TENM3: variants seen among roughly 807,000 people sequenced by gnomAD.
TENM3 encodes the protein teneurin-3.
In TENM3, 63 loss-of-function variants were observed where a neutral mutation model predicts 255.1. That is an observed-to-expected ratio of 0.25 (90% CI 0.20 to 0.30). The LOEUF is 0.30. TENM3 is among the 10% of genes least tolerant of loss of function. TENM3 has a pLI of 1.00. For missense variants in TENM3, 2,929 were observed against 3,461.1 expected (o/e 0.85, Z 3.86); for synonymous variants, 1,306 against 1,322.3 (o/e 0.99, Z 0.27).
At chr4:182,707,019 C>T (rs969859367) in intron 12 of TENM3, among the ~76,000 whole-genome samples, 2 of 151,812 alleles carry the variant, frequency 1.3e-5, no homozygotes, top group African/African-American at 4.8e-5. Context: ...CAGTGATTTA[C>T]GTGGCCTAGA....
chr4:181,463,320 G>A, the TENM3 span, among the ~76,000 whole-genome samples: 1 of 152,050 alleles, frequency 6.6e-6, no homozygotes, highest in African/African-American at 2.4e-5. Flanking sequence ...TATTTACCCT[G>A]GTCATGTGTC....
At chr4:182,089,043 A>G in the TENM3 span, among the ~76,000 whole-genome samples, 9 of 152,284 alleles carry the variant, frequency 5.9e-5, no homozygotes, top group East Asian at 1.7e-3. Context: ...CAACCCTTCT[A>G]CAGTGTGGTA....
In TENM3 at chr4:182,349,985, G is replaced by A. The variant is rs73869945; in HGVS notation, c.511+3056G>A. On this transcript the variant is annotated intron_variant, in intron 3 of 27. Coordinates refer to ENST00000511685, the MANE Select transcript of TENM3 (RefSeq NM_001080477.4). Reference sequence around the variant, plus strand: ...CTGGTTTAACATGAGAGCTTGCCTTGACTGTTTTCTTCATTTGAAATAACT... The same window carrying A: ...CTGGTTTAACATGAGAGCTTGCCTTAACTGTTTTCTTCATTTGAAATAACT... 212 of 165,278 alleles carry A rather than the reference G, an allele frequency of 1.3e-3. 1 individual carries two copies. The highest frequency in any genetic ancestry group is 4.8e-3 in the African/African-American group (200 of 41,500). The allele number at this position is 165,278 out of a possible 1,614,324, so 10.2% of individuals were successfully genotyped here.
At chr4:182,758,293 G>A (rs1453417279) in intron 22 of TENM3, among the ~76,000 whole-genome samples, 2 of 152,086 alleles carry the variant, frequency 1.3e-5, no homozygotes, top group Non-Finnish European at 2.9e-5. Context: ...TCTTCTAAGG[G>A]TCAGAAACTT....
At chr4:182,138,540 CAA>C in the TENM3 span, among the ~76,000 whole-genome samples, 50 of 152,300 alleles carry the variant, frequency 3.3e-4, no homozygotes, top group East Asian at 7.5e-3. Context: ...CAGGAACAAA[CAA>C]AGATTGTTTC....
chr4:182,704,203 T>C lies in TENM3; in HGVS notation c.2222-9884T>C, dbSNP rs116561935. 5.1e-3 allele frequency among the ~76,000 whole-genome samples: 771 copies of C among 152,254 alleles called. 2 individuals are homozygous for C. Among genetic ancestry groups the C allele is most frequent in the African/African-American group, 0.017 (703 of 41,546 alleles). On this transcript the variant is annotated intron_variant, in intron 12 of 27. Coordinates refer to ENST00000511685, the MANE Select transcript of TENM3 (RefSeq NM_001080477.4). ...AAGGGAGATGTGTTACTAACACGTG[T>C]ATGTTTATGGTTCAGTGGATGAAAT...
At chr4:182,158,158 T>A (rs1206555866) in intron 1 of TENM3, among the ~76,000 whole-genome samples, 2 of 152,192 alleles carry the variant, frequency 1.3e-5, no homozygotes, top group Non-Finnish European at 2.9e-5. Context: ...ACGTCGCGCC[T>A]CTAGACTAGT....
the TENM3 span, among the ~76,000 whole-genome samples, chr4:181,541,903 G>A: frequency 6.6e-6 from 1 of 152,180 alleles, no homozygotes; most frequent in East Asian, 1.9e-4. Flanking sequence ...CTCAATTTCA[G>A]ATGGACCATT....
At chr4:182,045,529 G>A in the TENM3 span, among the ~76,000 whole-genome samples, 1 of 152,022 alleles carries the variant, frequency 6.6e-6, no homozygotes, top group Non-Finnish European at 1.5e-5. Flanking sequence ...GTTTTTTTAA[G>A]GGTGAATTGA....
chr4:181,765,028 T>G, the TENM3 span, among the ~76,000 whole-genome samples: 1 of 152,272 alleles, frequency 6.6e-6, no homozygotes, highest in Non-Finnish European at 1.5e-5. Flanking sequence ...AGAATCATCA[T>G]GCTCCCTAAG....
chr4:182,212,760 G>A (rs1199137774), intron 1 of TENM3, among the ~76,000 whole-genome samples: 2 of 152,146 alleles, frequency 1.3e-5, no homozygotes, highest in East Asian at 3.9e-4. Context: ...TGTGACAAGT[G>A]GAAGAAAATC....
At chr4:182,195,575 G>A (rs1753791043) in intron 1 of TENM3, among the ~76,000 whole-genome samples, 1 of 152,132 alleles carries the variant, frequency 6.6e-6, no homozygotes, top group East Asian at 1.9e-4. Context: ...GGGAGGTCAA[G>A]GCTGCAGTGG....
chr4:182,515,132 TG>T (rs1160390828), intron 3 of TENM3, among the ~76,000 whole-genome samples: 1 of 152,144 alleles, frequency 6.6e-6, no homozygotes, highest in Non-Finnish European at 1.5e-5. Context: ...AGTAGTGTTC[TG>T]GGGGAGAATA....
chr4:182,212,145 A>G (rs1755087907), intron 1 of TENM3, among the ~76,000 whole-genome samples: 1 of 152,214 alleles, frequency 6.6e-6, no homozygotes, highest in Admixed American at 6.5e-5. Flanking sequence ...TAGGGATTCC[A>G]TTATCTCTTT....
At chr4:181,968,317 T>C in the TENM3 span, among the ~76,000 whole-genome samples, 1 of 152,168 alleles carries the variant, frequency 6.6e-6, no homozygotes, top group African/African-American at 2.4e-5. Context: ...TGTCCAGCCA[T>C]ACCTGGAGGA....
chr4:181,913,378 A>G, the TENM3 span, among the ~76,000 whole-genome samples: 1 of 152,170 alleles, frequency 6.6e-6, no homozygotes. Flanking sequence ...TTTTCTCAGC[A>G]AGGCAATTTA....
the TENM3 span, among the ~76,000 whole-genome samples, chr4:181,694,386 G>A: frequency 2.0e-5 from 3 of 152,150 alleles, no homozygotes; most frequent in African/African-American, 7.2e-5. Flanking sequence ...CCTACTCCTG[G>A]GCTAGATCTA....
the TENM3 span, among the ~76,000 whole-genome samples, chr4:181,719,026 G>T: frequency 6.6e-6 from 1 of 151,584 alleles, no homozygotes; most frequent in Non-Finnish European, 1.5e-5. Flanking sequence ...CTAACAAGGT[G>T]AAACCCCGTC....
chr4:182,526,136 C>G (rs182478952), intron 3 of TENM3, among the ~76,000 whole-genome samples: 1 of 152,208 alleles, frequency 6.6e-6, no homozygotes, highest in East Asian at 1.9e-4. Context: ...CGTGCCACCA[C>G]GCCCGGCTGA....
Sources: gnomAD v4.1 joint callset for allele counts (sites outside exome capture counted in the v4.1 genomes callset) on GRCh38, gnomAD v4.1.1 for gene constraint, MANE v1.5 for transcripts, NCBI Gene and HGNC (gene_info 2026-07-23, HGNC 2026-07-21) for gene names.